The following DENND1B variants were observed in gnomAD, a reference collection of about 807,000 sequenced individuals.
The protein encoded by DENND1B is DENN domain containing 1B.
Under a neutral mutation model 90.1 loss-of-function variants are expected in DENND1B, and 59 were observed. The observed-to-expected ratio is 0.65, with a 90% confidence interval of 0.53 to 0.81. DENND1B has a LOEUF of 0.81. DENND1B is among the 40% of genes least tolerant of loss of function. The probability of loss-of-function intolerance (pLI) is 0.00; values close to 1 mark genes in which losing one functional copy is unlikely to be tolerated. For missense variants in DENND1B, 862 were observed against 912.6 expected (o/e 0.94, Z 0.71); for synonymous variants, 337 against 324.6 (o/e 1.04, Z -0.41).
chr1:197,670,455 G>GTGTGTGTGTGTA lies in DENND1B; in HGVS notation c.296+1581_296+1582insTACACACACACA, dbSNP rs1267522807. 5.8e-4 allele frequency among the ~76,000 whole-genome samples: 86 copies of GTGTGTGTGTGTA among 149,152 alleles called. 2 individuals carry two copies. The highest frequency in any genetic ancestry group is 9.5e-4 in the Non-Finnish European group (64 of 67,050). ...GGTGGGGGGAAGACTGTGTGTGTGT[G>GTGTGTGTGTGTA]TGTGTGTGTGTGTGTGTGTGTGTGT... is the stretch of plus-strand genomic sequence containing the variant. On this transcript the variant is annotated intron_variant, in intron 5 of 22. Coordinates refer to ENST00000620048, the MANE Select transcript of DENND1B (RefSeq NM_001195215.2).
At chr1:197,726,462 G>C (rs1481291308) in intron 2 of DENND1B, among the ~76,000 whole-genome samples, 1 of 152,116 alleles carries the variant, frequency 6.6e-6, no homozygotes, top group Non-Finnish European at 1.5e-5. Context: ...CAGCAATAAT[G>C]AAATAGGATA....
At chr1:197,769,662 T>C (rs1269925786) in intron 2 of DENND1B, among the ~76,000 whole-genome samples, 4 of 152,168 alleles carry the variant, frequency 2.6e-5, no homozygotes, top group African/African-American at 7.2e-5. Context: ...TTTAAACCAA[T>C]CTTATGTTTG....
intron 3 of DENND1B, among the ~76,000 whole-genome samples, chr1:197,699,762 A>G (rs1658832324): frequency 6.6e-6 from 1 of 152,082 alleles, no homozygotes; most frequent in Non-Finnish European, 1.5e-5. Context: ...ATTCCTTTAC[A>G]AACTACCATC....
intron 2 of DENND1B, among the ~76,000 whole-genome samples, chr1:197,728,734 T>A (rs1200994535): frequency 6.6e-6 from 1 of 152,132 alleles, no homozygotes; most frequent in African/African-American, 2.4e-5. Flanking sequence ...ATCTTAAGAG[T>A]TCTTATTATT....
intron 2 of DENND1B, chr1:197,761,835 G>A (rs1168824353): frequency 1.3e-5 from 2 of 151,550 alleles, no homozygotes; most frequent in Non-Finnish European, 2.9e-5. Flanking sequence ...ACTGAAAAAG[G>A]AAAAGGCTCT....
intron 20 of DENND1B, among the ~76,000 whole-genome samples, chr1:197,515,924 T>G (rs1377364072): frequency 6.6e-6 from 1 of 151,866 alleles, no homozygotes; most frequent in African/African-American, 2.4e-5. Context: ...AAAAGTTACC[T>G]TTATATTCTG....
At chr1:197,592,009 TG>T (rs1218925947) in intron 14 of DENND1B, among the ~76,000 whole-genome samples, 1 of 143,698 alleles carries the variant, frequency 7.0e-6, no homozygotes, top group East Asian at 2.0e-4. Context: ...CTCGGGACGC[TG>T]AGGCAGGAGA....
intron 20 of DENND1B, among the ~76,000 whole-genome samples, chr1:197,519,447 G>A (rs2125608904): frequency 6.6e-6 from 1 of 152,020 alleles, no homozygotes; most frequent in East Asian, 1.9e-4. Context: ...ATTCAACAAA[G>A]ATTAAAGAAA....
intron 5 of DENND1B, among the ~76,000 whole-genome samples, chr1:197,660,049 A>G (rs1331031795): frequency 6.6e-6 from 1 of 151,884 alleles, no homozygotes; most frequent in Non-Finnish European, 1.5e-5. Context: ...GCAGGAAGCT[A>G]TTAAAAAAAA....
At position 197,775,166 on chromosome 1, in the gene DENND1B, C is replaced by T. The variant is rs978827582; in HGVS notation, c.-11G>A. ...GGTCCTGCAGTCCATGGTTACATGT[C>T]GGTGTGGGGCTGTCCGTCCGGCCCC... is the stretch of plus-strand genomic sequence containing the variant. On this transcript the variant is annotated 5_prime_UTR_variant, in exon 1 of 23. Coordinates refer to ENST00000620048, the MANE Select transcript of DENND1B (RefSeq NM_001195215.2). 1.5e-6 allele frequency: 2 copies of T among 1,290,406 alleles called. No individual in the cohort carries two copies. Among genetic ancestry groups the T allele is most frequent in the Non-Finnish European group, 9.9e-7 (1 of 1,012,358 alleles). The allele number at this position is 1,290,406 out of a possible 1,614,324, so 79.9% of individuals were successfully genotyped here. A position where few individuals can be genotyped will look rare whatever the true frequency, so the allele number is the denominator to read the frequency against.
In DENND1B at chr1:197,592,714, A is replaced by T. The variant is rs190321432; in HGVS notation, c.1047+2494T>A. Among the ~76,000 whole-genome samples the T allele has an allele frequency of 3.9e-5, 6 of 152,142 alleles. No individual in the cohort carries two copies. The East Asian group carries it at 1.2e-3, about 29-fold the overall frequency. ...AAAGTTTAGGAAAAAAGGATAACAG[A>T]CTGCCTGCCCATGGTAAGGGCCTTG... On this transcript the variant is annotated intron_variant, in intron 14 of 22. Coordinates refer to ENST00000620048, the MANE Select transcript of DENND1B (RefSeq NM_001195215.2).
At chr1:197,773,346 C>A (rs1331140078) in intron 1 of DENND1B, among the ~76,000 whole-genome samples, 1 of 152,182 alleles carries the variant, frequency 6.6e-6, no homozygotes, top group Non-Finnish European at 1.5e-5. Context: ...TTATACCCTG[C>A]CAACAGAGTT....
intron 10 of DENND1B, among the ~76,000 whole-genome samples, chr1:197,626,478 T>C (rs374184139): frequency 2.0e-5 from 3 of 152,082 alleles, no homozygotes; most frequent in East Asian, 3.9e-4. Context: ...TTGAAACCAA[T>C]GAGAACAAAG....
intron 2 of DENND1B, among the ~76,000 whole-genome samples, chr1:197,715,525 T>C (rs1214774421): frequency 6.6e-6 from 1 of 151,836 alleles, no homozygotes; most frequent in African/African-American, 2.4e-5. Context: ...TAAATATCCA[T>C]TTAAAATTCC....
chr1:197,669,745 C>T (rs1293388721), intron 5 of DENND1B, among the ~76,000 whole-genome samples: 1 of 151,806 alleles, frequency 6.6e-6, no homozygotes, highest in Non-Finnish European at 1.5e-5. Context: ...AGTTTTGACA[C>T]CTCCTACTTC....
At chr1:197,629,120 G>A (rs1157714395) in intron 10 of DENND1B, among the ~76,000 whole-genome samples, 3 of 152,238 alleles carry the variant, frequency 2.0e-5, no homozygotes, top group African/African-American at 4.8e-5. Context: ...TCAGTGTGGC[G>A]ATTCCTCAGG....
At chr1:197,551,540 T>G (rs1671241715) in intron 16 of DENND1B, among the ~76,000 whole-genome samples, 1 of 152,148 alleles carries the variant, frequency 6.6e-6, no homozygotes. Flanking sequence ...AAAATTTTAG[T>G]GGGCCCTCCC....
intron 5 of DENND1B, 111 bp from the exon 6 acceptor site, chr1:197,658,480 A>G (rs1654072976): frequency 7.3e-6 from 5 of 681,482 alleles, no homozygotes. Context: ...GGAGGTCAAA[A>G]AAGAACTATA....
rs1433522227 is a variant in DENND1B at position 197,507,783 on chromosome 1, T to C, written c.*2677A>G. 1 of 151,668 alleles carries C rather than the reference T, an allele frequency of 6.6e-6. No individual in the cohort carries two copies. Among genetic ancestry groups the C allele is most frequent in the African/African-American group, 2.4e-5 (1 of 41,392 alleles). The allele number at this position is 151,668 out of a possible 1,614,324, so 9.4% of individuals were successfully genotyped here. A position where few individuals can be genotyped will look rare whatever the true frequency, so the allele number is the denominator to read the frequency against. ...ACCCAGTTTAATTTCATTCTCACTA[T>C]AACCACCATAATACTAGGAAGTCTA... On this transcript the variant is annotated 3_prime_UTR_variant, in exon 23 of 23. Transcript: ENST00000620048.
Sources: allele counts gnomAD v4.1 joint callset (sites outside exome capture counted in the v4.1 genomes callset), GRCh38; gene constraint gnomAD v4.1.1; transcripts MANE v1.5; gene names NCBI Gene and HGNC (gene_info 2026-07-23, HGNC 2026-07-21).